MFNG: variants seen among roughly 807,000 people sequenced by gnomAD.
MFNG encodes beta-1,3-N-acetylglucosaminyltransferase manic fringe.
MFNG carries 24 observed loss-of-function variants against 34.2 expected under a neutral mutation model. The observed-to-expected ratio is 0.70, with a 90% confidence interval of 0.51 to 0.99. The LOEUF is 0.99. MFNG is among the 50% of genes least tolerant of loss of function. The probability of loss-of-function intolerance (pLI) is 0.00; values close to 1 mark genes in which losing one functional copy is unlikely to be tolerated. For missense variants in MFNG, 383 were observed against 424.0 expected (o/e 0.90, Z 0.85); for synonymous variants, 158 against 179.2 (o/e 0.88, Z 0.94).
rs1922224324 is a variant in MFNG, at chr22:37,480,109, G to A, written c.407+88C>T. 5 of 1,023,026 alleles carry A rather than the reference G, an allele frequency of 4.9e-6. No homozygotes were observed. In the Admixed American group the frequency reaches 6.5e-5, roughly 13 times the overall value. 63.4% of individuals were successfully genotyped at this position (1,023,026 alleles called of 1,614,324 possible). A position where few individuals can be genotyped will look rare whatever the true frequency, so the allele number is the denominator to read the frequency against. ...TCTGCCCACTGCCTGCTAGAGGAGT[G>A]GGGGCTGAAGTCAGACCCCAGGAGT... On this transcript the variant is annotated intron_variant, in intron 3 of 7. Transcript: ENST00000356998.
chr22:37,478,673 ATT>A (rs34736336), intron 4 of MFNG, among the ~76,000 whole-genome samples: 285 of 141,750 alleles, frequency 2.0e-3, no homozygotes, highest in African/African-American at 4.3e-3. Flanking sequence ...GTATTCAGCA[ATT>A]TTTTTTTTTT....
At chr22:37,472,369 C>T in intron 7 of MFNG, 74 bp downstream of exon 7, 1 of 1,167,710 alleles carries the variant, frequency 8.6e-7, no homozygotes, top group Admixed American at 2.5e-5. Context: ...CCACTCCCTC[C>T]CAGCTCCCCC....
chr22:37,476,768 A>G, intron 5 of MFNG, 128 bp downstream of exon 5: 1 of 773,622 alleles, frequency 1.3e-6, no homozygotes, highest in Non-Finnish European at 2.1e-6. Flanking sequence ...CCGCTCTGTG[A>G]CACACGCAAA....
At chr22:37,476,226 C>T (rs1277519674) in intron 5 of MFNG, among the ~76,000 whole-genome samples, 1 of 152,020 alleles carries the variant, frequency 6.6e-6, no homozygotes, top group East Asian at 1.9e-4. Flanking sequence ...GAAGCCAGGC[C>T]TCGCCACTTC....
rs1922491790 is a variant in MFNG at position 37,485,264 on chromosome 22, C to T, written c.255+659G>A. Among the ~76,000 whole-genome samples, 1 of 152,304 alleles carries T rather than the reference C, an allele frequency of 6.6e-6. No homozygotes were observed. The highest frequency in any genetic ancestry group is 1.9e-4 in the East Asian group (1 of 5,172). The stretch of plus-strand genomic sequence containing the variant: ...GGCCCACCACTGCCTCAGCCGCCAC[C>T]CTCGTGGCATGCGCTCTCCTTCCCT... On this transcript the variant is annotated intron_variant, in intron 1 of 7. Transcript: ENST00000356998. This position sits in a 1 kb window ranked among gnomAD's most constrained non-coding sequence, Gnocchi z 5.3.
At position 37,482,694 on chromosome 22, in the gene MFNG, C is replaced by G. The variant is rs1044285400; in HGVS notation, c.256-1925G>C. 1.3e-5 allele frequency among the ~76,000 whole-genome samples: 2 copies of G among 152,212 alleles called. No homozygotes were observed. The highest frequency in any genetic ancestry group is 4.8e-5 in the African/African-American group (2 of 41,446). On this transcript the variant is annotated intron_variant, in intron 1 of 7. Transcript: ENST00000356998. The surrounding 1 kb of genome is among the most constrained non-coding windows in gnomAD (Gnocchi z 4.1). ...GTTACAGAAATTTCTCTCCCCGTCT[C>G]TTCCACCAGACGATGGCATCCTGGA...
At chr22:37,480,888 C>A (rs987040360) in intron 1 of MFNG, 119 bp from the exon 2 acceptor site, 72 of 834,286 alleles carry the variant, frequency 8.6e-5, no homozygotes, top group Middle Eastern at 4.5e-4. Context: ...GACAGACACA[C>A]CCCTCTCATG....
chr22:37,481,073 TCACA>T, intron 1 of MFNG: 2 of 438,948 alleles, frequency 4.6e-6, no homozygotes, highest in Non-Finnish European at 4.2e-6. Context: ...CCCTCTTCTA[TCACA>T]CACACACACA....
At chr22:37,471,022 C>G (rs960470046) in intron 7 of MFNG, among the ~76,000 whole-genome samples, 1 of 152,198 alleles carries the variant, frequency 6.6e-6, no homozygotes, top group African/African-American at 2.4e-5. Flanking sequence ...CTTCCCCGGC[C>G]AGCCCCTACT....
intron 4 of MFNG, among the ~76,000 whole-genome samples, chr22:37,478,673 ATTTT>A (rs34736336): frequency 2.1e-5 from 3 of 141,898 alleles, no homozygotes; most frequent in Non-Finnish European, 4.6e-5. Flanking sequence ...GTATTCAGCA[ATTTT>A]TTTTTTTTTT....
chr22:37,469,570 C>G lies in MFNG; in HGVS notation c.*393G>C. 2 of 352,512 alleles carry G rather than the reference C, an allele frequency of 5.7e-6. No individual in the cohort carries two copies. The highest frequency in any genetic ancestry group is 5.6e-6 in the Non-Finnish European group (1 of 179,124). The allele number at this position is 352,512 out of a possible 1,614,324, so 21.8% of individuals were successfully genotyped here. A position where few individuals can be genotyped will look rare whatever the true frequency, so the allele number is the denominator to read the frequency against. ...GAGTGGGCGGCCCAGCGCTTGAGCC[C>G]CAGGGGAATGACTGAGAGACATTAG... On this transcript the variant is annotated 3_prime_UTR_variant, in exon 8 of 8. Transcript: ENST00000356998.
At chr22:37,476,645 C>A (rs766398593) in intron 5 of MFNG, among the ~76,000 whole-genome samples, 5 of 152,190 alleles carry the variant, frequency 3.3e-5, no homozygotes, top group Non-Finnish European at 4.4e-5. Context: ...CATGTGCCGA[C>A]GGGGGGACTG....
intron 4 of MFNG, among the ~76,000 whole-genome samples, chr22:37,477,846 G>A (rs1922111963): frequency 6.6e-6 from 1 of 152,122 alleles, no homozygotes; most frequent in African/African-American, 2.4e-5. Flanking sequence ...CTGTGTTCAC[G>A]ACCACTCTTT....
At chr22:37,480,962 C>T in intron 1 of MFNG, 193 bp from the exon 2 acceptor site, 2 of 611,170 alleles carry the variant, frequency 3.3e-6, no homozygotes, top group Non-Finnish European at 5.9e-6. Flanking sequence ...CACACAACTT[C>T]AGGGTGTACA....
At position 37,469,743 on chromosome 22, in the gene MFNG, C is replaced by T; in HGVS notation, c.*220G>A. 1 of 670,538 alleles carries T rather than the reference C, an allele frequency of 1.5e-6. No individual in the cohort carries two copies. Among genetic ancestry groups the T allele is most frequent in the East Asian group, 2.9e-5 (1 of 34,594 alleles). The allele number at this position is 670,538 out of a possible 1,614,324, so 41.5% of individuals were successfully genotyped here. A position where few individuals can be genotyped will look rare whatever the true frequency, so the allele number is the denominator to read the frequency against. On this transcript the variant is annotated 3_prime_UTR_variant, in exon 8 of 8. Coordinates refer to ENST00000356998, the MANE Select transcript of MFNG (RefSeq NM_002405.4). Reference sequence around the variant, plus strand: ...TAGCCCCTGGAGCCTCTCTGGCCACCACCTGGTCCACCTGGTCCCCTGGGC... The same window carrying T: ...TAGCCCCTGGAGCCTCTCTGGCCACTACCTGGTCCACCTGGTCCCCTGGGC...
At chr22:37,480,126 C>A in intron 3 of MFNG, 71 bp downstream of exon 3, 1 of 1,281,688 alleles carries the variant, frequency 7.8e-7, no homozygotes, top group Non-Finnish European at 1.1e-6. Context: ...GAAGTCAGAC[C>A]CCAGGAGTCC....
At chr22:37,475,682 C>G (rs894090975) in intron 5 of MFNG, among the ~76,000 whole-genome samples, 2 of 150,638 alleles carry the variant, frequency 1.3e-5, no homozygotes, top group African/African-American at 5.0e-5. Context: ...ACTCCCCTCC[C>G]CAGCCTGCAC....
At chr22:37,473,505 G>A (rs1228809097) in intron 6 of MFNG, among the ~76,000 whole-genome samples, 1 of 152,002 alleles carries the variant, frequency 6.6e-6, no homozygotes, top group Non-Finnish European at 1.5e-5. Flanking sequence ...CCATTAGGAT[G>A]CCCTGGTTTG....
At chr22:37,475,848 G>T (rs1475864159) in intron 5 of MFNG, among the ~76,000 whole-genome samples, 3 of 152,206 alleles carry the variant, frequency 2.0e-5, no homozygotes, top group African/African-American at 4.8e-5. Context: ...GGATGACCCT[G>T]GTCATGTGTA....
Sources: gnomAD v4.1 joint callset for allele counts (sites outside exome capture counted in the v4.1 genomes callset) on GRCh38, gnomAD v4.1.1 for gene constraint, Gnocchi (gnomAD v3.1) non-coding constraint, MANE v1.5 for transcripts, NCBI Gene and HGNC (gene_info 2026-07-23, HGNC 2026-07-21) for gene names.